VEPH1: variants seen among roughly 807,000 people sequenced by gnomAD.
VEPH1 encodes ventricular zone-expressed PH domain-containing protein homolog 1.
In VEPH1, 80 loss-of-function variants were observed where a neutral mutation model predicts 85.2. The ratio of observed to expected loss-of-function variants is 0.94; its 90% CI spans 0.78 to 1.13. The LOEUF (loss-of-function observed/expected upper bound fraction) is 1.13, where lower values mean the gene tolerates loss of function less well. Among genes scored for constraint, VEPH1 ranks in the 50% most tolerant of loss-of-function variants. The pLI is 0.00. For missense variants in VEPH1, 955 were observed against 980.5 expected, an observed-to-expected ratio of 0.97 and a Z score of 0.35; for synonymous variants, 297 against 348.0, an observed-to-expected ratio of 0.85 and a Z score of 1.63.
At chr3:157,369,180 GAAAAAAAAAAAA>G (rs58451868) in intron 7 of VEPH1, among the ~76,000 whole-genome samples, 3 of 42,780 alleles carry the variant, frequency 7.0e-5, no homozygotes, top group Admixed American at 4.9e-4. Context: ...AAAACCAAAT[GAAAAAAAAAAAA>G]AAAAAAAAAA....
At chr3:157,370,916 T>G (rs1348137183) in intron 7 of VEPH1, among the ~76,000 whole-genome samples, 1 of 152,230 alleles carries the variant, frequency 6.6e-6, no homozygotes, top group African/African-American at 2.4e-5. Context: ...GACTCTAAGT[T>G]TTATTTTTGT....
chr3:157,312,665 G>T (rs958144325), intron 11 of VEPH1, among the ~76,000 whole-genome samples: 27 of 152,020 alleles, frequency 1.8e-4, no homozygotes, highest in Admixed American at 7.2e-4. Context: ...TTCTTATCAG[G>T]CTGTCAGTCC....
At chr3:157,350,935 A>G (rs1168469173) in intron 9 of VEPH1, among the ~76,000 whole-genome samples, 1 of 152,258 alleles carries the variant, frequency 6.6e-6, no homozygotes, top group Non-Finnish European at 1.5e-5. Context: ...ACAAACTAGT[A>G]CAACCAGTAT....
intron 12 of VEPH1, among the ~76,000 whole-genome samples, chr3:157,271,799 A>G (rs1259316218): frequency 6.6e-6 from 1 of 152,208 alleles, no homozygotes; most frequent in Non-Finnish European, 1.5e-5. Flanking sequence ...GGCACTGATT[A>G]TATGTCAAAT....
At chr3:157,456,753 A>T (rs34316188) in intron 4 of VEPH1, among the ~76,000 whole-genome samples, 27,525 of 151,120 alleles carry the variant, frequency 0.18, 3,002 homozygotes, top group East Asian at 0.39. Flanking sequence ...TACCCGTACC[A>T]TGCTGTTTTG....
intron 5 of VEPH1, among the ~76,000 whole-genome samples, chr3:157,423,889 G>A (rs58392573): frequency 6.6e-6 from 1 of 152,038 alleles, no homozygotes; most frequent in Admixed American, 6.5e-5. Flanking sequence ...GAATACAAAT[G>A]TTCCAGTCTT....
At chr3:157,485,919 TAAC>T (rs1451182220) in intron 2 of VEPH1, among the ~76,000 whole-genome samples, 1 of 151,994 alleles carries the variant, frequency 6.6e-6, no homozygotes, top group Admixed American at 6.6e-5. Flanking sequence ...AAGAAACAAA[TAAC>T]AATCTTTAAC....
chr3:157,360,587 A>G (rs1314478989), intron 9 of VEPH1, among the ~76,000 whole-genome samples: 1 of 152,178 alleles, frequency 6.6e-6, no homozygotes, highest in African/African-American at 2.4e-5. Flanking sequence ...AAAATCTTAC[A>G]TCAAAAATGC....
chr3:157,466,226 A>T (rs934885844), intron 3 of VEPH1, among the ~76,000 whole-genome samples: 22 of 151,904 alleles, frequency 1.4e-4, no homozygotes, highest in Non-Finnish European at 2.9e-5. Context: ...GGGGGTGGGG[A>T]TGGCCAACTC....
At chr3:157,358,364 C>G (rs771217474) in intron 9 of VEPH1, among the ~76,000 whole-genome samples, 4 of 152,170 alleles carry the variant, frequency 2.6e-5, no homozygotes, top group African/African-American at 7.2e-5. Context: ...ATGAATGAGG[C>G]TCCAGGAAAT....
At chr3:157,474,394 G>C (rs1422937862) in intron 2 of VEPH1, among the ~76,000 whole-genome samples, 2 of 151,364 alleles carry the variant, frequency 1.3e-5, no homozygotes. Context: ...CATGATCCCT[G>C]TTCCTTTTGG....
At position 157,314,056 on chromosome 3, in the gene VEPH1, A is replaced by G. The variant is rs185662782; in HGVS notation, c.1876-301T>C. ...CTCTTAAAAAAATTAAACGAGGCCG[A>G]GCATGGTGGCTCATGTCTGTAATCC... On this transcript the variant is annotated intron_variant, in intron 10 of 13. Transcript: ENST00000362010. 1.8e-3 allele frequency among the ~76,000 whole-genome samples: 269 copies of G among 151,990 alleles called. 2 individuals are homozygous for G. Among genetic ancestry groups the G allele is most frequent in the Middle Eastern group, 0.017 (5 of 294 alleles).
chr3:157,411,209 C>T (rs1474618382), intron 6 of VEPH1, among the ~76,000 whole-genome samples: 2 of 152,122 alleles, frequency 1.3e-5, no homozygotes, highest in Admixed American at 6.6e-5. Context: ...GTAGAAGGAG[C>T]CTGGGTCTCT....
chr3:157,470,668 TA>T (rs5853785), intron 2 of VEPH1, 139 bp from the exon 3 acceptor site: 429,564 of 700,798 alleles, frequency 0.61, 133,943 homozygotes, highest in African/African-American at 0.78. Flanking sequence ...CCTAATACAA[TA>T]AAGGCTTCCT....
In VEPH1 at chr3:157,497,946, G is replaced by C. The variant is rs530841329; in HGVS notation, c.-157-2440C>G. Among the ~76,000 whole-genome samples, 2 of 152,328 alleles carry C rather than the reference G, an allele frequency of 1.3e-5. 1 individual carries two copies. Among genetic ancestry groups the C allele is most frequent in the South Asian group, 4.1e-4 (2 of 4,830 alleles). On this transcript the variant is annotated intron_variant, in intron 1 of 13. Transcript: ENST00000362010. ...ACATTATTTTTCAAAGGGCTCTTTT[G>C]CACGTTTTCAACTGTGATCTTCAAA...
At chr3:157,473,624 A>G (rs1296843953) in intron 2 of VEPH1, among the ~76,000 whole-genome samples, 1 of 152,168 alleles carries the variant, frequency 6.6e-6, no homozygotes, top group Non-Finnish European at 1.5e-5. Flanking sequence ...ATAAAATTTT[A>G]TGGTCCAGAA....
intron 9 of VEPH1, among the ~76,000 whole-genome samples, chr3:157,357,029 TTAATAA>T (rs992205682): frequency 6.6e-6 from 1 of 152,200 alleles, no homozygotes; most frequent in African/African-American, 2.4e-5. Flanking sequence ...CCCTTCTATC[TTAATAA>T]TAATACATTT....
chr3:157,363,892 T>G, intron 8 of VEPH1, 131 bp from the exon 9 acceptor site: 1 of 1,019,086 alleles, frequency 9.8e-7, no homozygotes, highest in East Asian at 2.6e-5. Context: ...GCCTGATAAA[T>G]GTATACCACC....
At chr3:157,462,082 T>TTA (rs949113893) in intron 3 of VEPH1, among the ~76,000 whole-genome samples, 5 of 147,700 alleles carry the variant, frequency 3.4e-5, no homozygotes, top group East Asian at 1.9e-4. Flanking sequence ...AAAGTATTAT[T>TTA]TATATATATA....
Sources: gnomAD v4.1 joint callset for allele counts (sites outside exome capture counted in the v4.1 genomes callset) on GRCh38, gnomAD v4.1.1 for gene constraint, MANE v1.5 for transcripts, NCBI Gene and HGNC (gene_info 2026-07-23, HGNC 2026-07-21) for gene names.